Variants in FBXW8 observed in about 807,000 individuals in gnomAD.
FBXW8 encodes F-box/WD repeat-containing protein 8.
A neutral mutation model predicts 65.3 loss-of-function variants in FBXW8; 57 were observed. The ratio of observed to expected loss-of-function variants is 0.87; its 90% CI spans 0.71 to 1.09. The LOEUF is 1.09. Among genes scored for constraint, FBXW8 ranks in the 50% least tolerant of loss-of-function variants. FBXW8 has a pLI of 0.00. For missense variants in FBXW8, 777 were observed against 814.8 expected, an observed-to-expected ratio of 0.95 and a Z score of 0.57; for synonymous variants, 308 against 330.2, an observed-to-expected ratio of 0.93 and a Z score of 0.73.
chr12:117,000,468 A>G (rs996050541), intron 7 of FBXW8, among the ~76,000 whole-genome samples: 3 of 152,246 alleles, frequency 2.0e-5, no homozygotes, highest in African/African-American at 4.8e-5. Context: ...ATCAGAATCT[A>G]CAGGAGACCT....
chr12:116,956,752 A>G (rs1369082443), intron 4 of FBXW8, among the ~76,000 whole-genome samples: 1 of 151,952 alleles, frequency 6.6e-6, no homozygotes, highest in East Asian at 1.9e-4. Context: ...TGGATCACTT[A>G]GGGTCAGGAG....
rs397946872 is a variant in FBXW8 at position 117,011,127 on chromosome 12, C to CTTTT, written c.1367+689_1367+692dup. On this transcript the variant is annotated intron_variant, in intron 8 of 10. Transcript: ENST00000652555. ...CTTCTTTCCTTGTTTTTTTCTTTTCCTTTTTTTTTTTTTTTGGCCAGTTAT... is the reference window on the plus strand; with the variant it reads ...CTTCTTTCCTTGTTTTTTTCTTTTCCTTTTTTTTTTTTTTTTTTTGGCCAGTTAT... 1.1e-3 allele frequency among the ~76,000 whole-genome samples: 139 copies of CTTTT among 122,150 alleles called. 6 individuals carry two copies. The highest frequency in any genetic ancestry group is 4.4e-3 in the African/African-American group (123 of 27,860). The allele number at this position is 122,150 out of a possible 152,430, so 80.1% of individuals were successfully genotyped here. A position where few individuals can be genotyped will look rare whatever the true frequency, so the allele number is the denominator to read the frequency against.
At chr12:117,022,810 CATTAAAATTGCAACATCT>C (rs1047251598) in intron 8 of FBXW8, among the ~76,000 whole-genome samples, 47 of 152,328 alleles carry the variant, frequency 3.1e-4, no homozygotes, top group Non-Finnish European at 4.4e-4. Context: ...CCTTTTCTAG[CATTAAAATTGCAACATCT>C]TTTCATCCTC....
In FBXW8 at chr12:117,020,541, T is replaced by C. The variant is rs1302146890; in HGVS notation, c.1368-3606T>C. 4.6e-5 allele frequency among the ~76,000 whole-genome samples: 7 copies of C among 152,374 alleles called. No homozygotes were observed. In the South Asian group the frequency reaches 1.4e-3, roughly 32 times the overall value. ...CGCAGTTTTCATATTTATCTCTTTG[T>C]GCTCCATTCTTGGTAATTTCTTCAC... On this transcript the variant is annotated intron_variant, in intron 8 of 10. Transcript: ENST00000652555.
At chr12:116,969,425 A>G (rs1050671126) in intron 5 of FBXW8, among the ~76,000 whole-genome samples, 1 of 152,210 alleles carries the variant, frequency 6.6e-6, no homozygotes, top group African/African-American at 2.4e-5. Flanking sequence ...ACAGATCGAC[A>G]CTATGATATT....
chr12:116,981,889 C>T (rs573010429), intron 5 of FBXW8, among the ~76,000 whole-genome samples: 1 of 152,136 alleles, frequency 6.6e-6, no homozygotes, highest in Non-Finnish European at 1.5e-5. Context: ...GCTGGGATTA[C>T]AGGCATGAGC....
chr12:116,924,380 G>A (rs1427780151), intron 1 of FBXW8, among the ~76,000 whole-genome samples: 1 of 152,070 alleles, frequency 6.6e-6, no homozygotes, highest in African/African-American at 2.4e-5. Context: ...CCAAATCAGG[G>A]TAATTAATGT....
chr12:116,954,068 C>T (rs933811767), intron 4 of FBXW8, among the ~76,000 whole-genome samples: 11 of 145,092 alleles, frequency 7.6e-5, no homozygotes, highest in East Asian at 4.0e-4. Context: ...GAGCTGAGAT[C>T]GCACCATTGC....
intron 5 of FBXW8, among the ~76,000 whole-genome samples, chr12:116,976,501 G>T (rs1409843126): frequency 4.4e-5 from 6 of 137,566 alleles, no homozygotes; most frequent in Admixed American, 3.1e-4. Flanking sequence ...TGTTGCCCAG[G>T]CTGGAGTGCA....
chr12:116,988,357 T>G (rs1199952602), intron 6 of FBXW8, among the ~76,000 whole-genome samples: 1 of 152,198 alleles, frequency 6.6e-6, no homozygotes, highest in Non-Finnish European at 1.5e-5. Context: ...TGGTTTTCCC[T>G]CCTTCACTTC....
intron 1 of FBXW8, among the ~76,000 whole-genome samples, chr12:116,921,667 T>C (rs2137296339): frequency 6.6e-6 from 1 of 152,316 alleles, no homozygotes. Context: ...TAAGTTACCT[T>C]ACTTTAAAAA....
intron 5 of FBXW8, among the ~76,000 whole-genome samples, chr12:116,972,491 C>T (rs1389265783): frequency 2.6e-5 from 4 of 152,144 alleles, no homozygotes; most frequent in Non-Finnish European, 5.9e-5. Context: ...AATGCATCTG[C>T]TTGCCTGCCT....
chr12:116,979,308 C>T (rs1885147898), intron 5 of FBXW8: 1 of 152,274 alleles, frequency 6.6e-6, no homozygotes, highest in African/African-American at 2.4e-5. Flanking sequence ...GGGCCTGCTG[C>T]AAACTGGCAT....
At chr12:116,970,200 C>A (rs1884568764) in intron 5 of FBXW8, among the ~76,000 whole-genome samples, 1 of 152,176 alleles carries the variant, frequency 6.6e-6, no homozygotes, top group Admixed American at 6.5e-5. Flanking sequence ...TGAAATCTCG[C>A]TCTTTGGTGA....
chr12:117,025,884 C>G (rs1380408487), intron 9 of FBXW8, among the ~76,000 whole-genome samples: 1 of 152,222 alleles, frequency 6.6e-6, no homozygotes, highest in Non-Finnish European at 1.5e-5. Flanking sequence ...CTCCCTGGGA[C>G]AGGCCACTGA....
At chr12:116,921,262 T>C (rs925116238) in intron 1 of FBXW8, among the ~76,000 whole-genome samples, 3 of 152,250 alleles carry the variant, frequency 2.0e-5, no homozygotes, top group Non-Finnish European at 4.4e-5. Context: ...AGTATTATAG[T>C]TCACTTATAT....
At chr12:117,001,945 G>A (rs762047491) in intron 7 of FBXW8, among the ~76,000 whole-genome samples, 6 of 152,186 alleles carry the variant, frequency 3.9e-5, no homozygotes, top group Non-Finnish European at 8.8e-5. Context: ...AAGTAGGCCT[G>A]GCCTTCCTTT....
intron 5 of FBXW8, among the ~76,000 whole-genome samples, chr12:116,974,561 A>G (rs1433453309): frequency 6.6e-6 from 1 of 152,250 alleles, no homozygotes; most frequent in Non-Finnish European, 1.5e-5. Flanking sequence ...AAACTTCCAT[A>G]CTATTTTGTA....
intron 5 of FBXW8, among the ~76,000 whole-genome samples, chr12:116,971,357 CAAAA>C (rs762730882): frequency 8.5e-6 from 1 of 118,194 alleles, no homozygotes; most frequent in Non-Finnish European, 1.8e-5. Flanking sequence ...AAGACCCAGT[CAAAA>C]AAAAAAAAAA....
Sources: gnomAD v4.1 joint callset for allele counts (sites outside exome capture counted in the v4.1 genomes callset) on GRCh38, gnomAD v4.1.1 for gene constraint, MANE v1.5 for transcripts, NCBI Gene and HGNC (gene_info 2026-07-23, HGNC 2026-07-21) for gene names.